The following DCAF8L2 variants were observed in gnomAD, a reference collection of about 807,000 sequenced individuals.
DCAF8L2 encodes the protein DDB1- and CUL4-associated factor 8-like protein 2.
For synonymous variants in DCAF8L2, 200 were observed against 190.9 expected, an observed-to-expected ratio of 1.05 and a Z score of -0.39; for missense variants, 430 against 490.7, an observed-to-expected ratio of 0.88 and a Z score of 1.17.
At chrX:27,655,035 G>C (rs1929299663) in intron 2 of DCAF8L2, among the ~76,000 whole-genome samples, 1 of 110,890 alleles carries the variant, frequency 9.0e-6, no homozygotes, top group South Asian at 3.8e-4. Flanking sequence ...CATTTCGGAA[G>C]CTCTAGAGTT....
At chrX:27,669,288 G>T (rs1929856583) in intron 2 of DCAF8L2, among the ~76,000 whole-genome samples, 1 of 110,014 alleles carries the variant, frequency 9.1e-6, no homozygotes, top group Non-Finnish European at 1.9e-5. Flanking sequence ...AAGTATCCCT[G>T]GTCTCGGCCT....
At chrX:27,696,686 A>G (rs1318087135) in intron 3 of DCAF8L2, among the ~76,000 whole-genome samples, 2 of 112,065 alleles carry the variant, frequency 1.8e-5, no homozygotes, top group East Asian at 2.8e-4. Context: ...CTTTTCCTCC[A>G]AAATATTAGT....
chrX:27,630,951 A>G (rs1284835681), intron 1 of DCAF8L2, among the ~76,000 whole-genome samples: 1 of 111,399 alleles, frequency 9.0e-6, no homozygotes, highest in Non-Finnish European at 1.9e-5. Flanking sequence ...CTCCATTCTC[A>G]TAACCTAATC....
rs58543395 is a variant in DCAF8L2, at chrX:27,666,738, T to C, written c.-219-11098T>C. On this transcript the variant is annotated intron_variant, in intron 2 of 4. Transcript: ENST00000451261. ...AAACCCTGGACAATTTGTAACAGAA[T>C]TGTTTTCATCATGTGCCATCTTTTA... is the stretch of plus-strand genomic sequence containing the variant. Among the ~76,000 whole-genome samples, 898 of 112,380 alleles carry C rather than the reference T, an allele frequency of 8.0e-3. 3 individuals carry two copies. The highest frequency in any genetic ancestry group is 0.027 in the African/African-American group (835 of 31,026).
chrX:27,526,824 A>T, the DCAF8L2 span, among the ~76,000 whole-genome samples: 2 of 112,534 alleles, frequency 1.8e-5, no homozygotes, highest in Admixed American at 9.4e-5. Flanking sequence ...TCAGCAGCGG[A>T]AGCTGCAGAA....
At chrX:27,675,196 A>G (rs926790453) in intron 2 of DCAF8L2, among the ~76,000 whole-genome samples, 1 of 111,484 alleles carries the variant, frequency 9.0e-6, no homozygotes, top group Non-Finnish European at 1.9e-5. Flanking sequence ...ATTCCATTAT[A>G]TCACCTTTGC....
intron 4 of DCAF8L2, 53 bp downstream of exon 4, chrX:27,716,224 C>A (rs1192051342): frequency 9.0e-6 from 1 of 111,674 alleles, no homozygotes; most frequent in Non-Finnish European, 1.9e-5. Flanking sequence ...TCCTAGAAGA[C>A]CTGTGATTGC....
chrX:27,543,628 G>A, the DCAF8L2 span, among the ~76,000 whole-genome samples: 33 of 111,443 alleles, frequency 3.0e-4, no homozygotes, highest in East Asian at 6.2e-3. Context: ...AAACAGGGTA[G>A]GTCAGATAAT....
chrX:27,524,113 C>T, the DCAF8L2 span, among the ~76,000 whole-genome samples: 1 of 111,385 alleles, frequency 9.0e-6, no homozygotes, highest in Non-Finnish European at 1.9e-5. Flanking sequence ...TGTACCAGCT[C>T]CTCTTTTTAC....
At chrX:27,548,581 G>A in the DCAF8L2 span, among the ~76,000 whole-genome samples, 379 of 111,798 alleles carry the variant, frequency 3.4e-3, 1 homozygote, top group African/African-American at 0.011. Flanking sequence ...AATGGTGATC[G>A]GTACACGAGG....
chrX:27,574,182 G>T, the DCAF8L2 span, among the ~76,000 whole-genome samples: 1 of 110,503 alleles, frequency 9.0e-6, no homozygotes, highest in Non-Finnish European at 1.9e-5. Flanking sequence ...GAACCTTTTA[G>T]CTCAAGAGAG....
the DCAF8L2 span, among the ~76,000 whole-genome samples, chrX:27,532,725 C>CTT: frequency 2.4e-5 from 2 of 84,000 alleles, no homozygotes; most frequent in African/African-American, 9.0e-5. Flanking sequence ...TAGTGAGACC[C>CTT]ATATTTATTT....
At chrX:27,491,164 T>C in the DCAF8L2 span, among the ~76,000 whole-genome samples, 1 of 112,842 alleles carries the variant, frequency 8.9e-6, no homozygotes, top group Non-Finnish European at 1.9e-5. Flanking sequence ...AAAAAATGTT[T>C]TGCATTTTAC....
chrX:27,684,471 G>A (rs945343730), intron 3 of DCAF8L2, among the ~76,000 whole-genome samples: 2 of 112,060 alleles, frequency 1.8e-5, no homozygotes, highest in Non-Finnish European at 3.8e-5. Context: ...AGTAGGCTTC[G>A]TAGTGGCACA....
the DCAF8L2 span, among the ~76,000 whole-genome samples, chrX:27,564,175 G>A: frequency 2.7e-5 from 3 of 111,258 alleles, no homozygotes; most frequent in Non-Finnish European, 3.8e-5. Flanking sequence ...GGTCCTTCTC[G>A]ACATGGCAGC....
At chrX:27,622,412 G>A (rs1228138914) in intron 1 of DCAF8L2, among the ~76,000 whole-genome samples, 2 of 108,931 alleles carry the variant, frequency 1.8e-5, no homozygotes, top group African/African-American at 3.4e-5. Context: ...GCGACTGAGC[G>A]AGACTCCATC....
At chrX:27,469,975 C>A in the DCAF8L2 span, among the ~76,000 whole-genome samples, 1 of 110,676 alleles carries the variant, frequency 9.0e-6, no homozygotes, top group African/African-American at 3.3e-5. Context: ...TCCATGTTGG[C>A]CAGGCTGGTC....
the DCAF8L2 span, among the ~76,000 whole-genome samples, chrX:27,533,144 A>AAGAG: frequency 4.2e-4 from 10 of 23,668 alleles, no homozygotes; most frequent in South Asian, 5.1e-3. Context: ...GGAAGGAAGA[A>AAGAG]AGAGAGAGAG....
the DCAF8L2 span, among the ~76,000 whole-genome samples, chrX:27,567,546 CATATATATATATATATAT>C: frequency 2.1e-3 from 63 of 29,624 alleles, no homozygotes; most frequent in East Asian, 2.8e-3. Context: ...ACCACTGTAG[CATATATATATATATATAT>C]ATATATATAT....
Sources: gnomAD v4.1 joint callset for allele counts (sites outside exome capture counted in the v4.1 genomes callset) on GRCh38, gnomAD v4.1.1 for gene constraint, MANE v1.5 for transcripts, NCBI Gene and HGNC (gene_info 2026-07-23, HGNC 2026-07-21) for gene names.